The following RASA3 variants were observed in gnomAD, a reference collection of about 807,000 sequenced individuals.
RASA3 encodes ras GTPase-activating protein 3.
Under a neutral mutation model 110.0 loss-of-function variants are expected in RASA3, and 73 were observed. The observed-to-expected ratio is 0.66, with a 90% CI of 0.55 to 0.81. The LOEUF (loss-of-function observed/expected upper bound fraction) is 0.81, where lower values mean the gene tolerates loss of function less well. RASA3 is among the 30% of genes least tolerant of loss of function. The probability of loss-of-function intolerance (pLI) is 0.00; values close to 1 mark genes in which losing one functional copy is unlikely to be tolerated. For synonymous variants in RASA3, 500 were observed against 451.4 expected, an observed-to-expected ratio of 1.11 and a Z score of -1.37; for missense variants, 976 against 1,113.2, an observed-to-expected ratio of 0.88 and a Z score of 1.75.
intron 20 of RASA3, among the ~76,000 whole-genome samples, chr13:113,999,011 G>A (rs927436221): frequency 2.0e-5 from 3 of 152,216 alleles, no homozygotes; most frequent in Non-Finnish European, 2.9e-5. Context: ...GAAAAGCACG[G>A]GCGGGACCGT....
chr13:114,069,367 CTT>C (rs953515769), intron 2 of RASA3, among the ~76,000 whole-genome samples: 3 of 149,182 alleles, frequency 2.0e-5, no homozygotes, highest in African/African-American at 7.5e-5. Context: ...TCCACAGCGA[CTT>C]TGCCAAATGA....
chr13:114,072,483 T>A (rs1294611340), intron 2 of RASA3, among the ~76,000 whole-genome samples: 3 of 152,262 alleles, frequency 2.0e-5, no homozygotes, highest in African/African-American at 7.2e-5. Context: ...TCTGTATAGC[T>A]ATTTTAGAAA....
intron 1 of RASA3, among the ~76,000 whole-genome samples, chr13:114,113,449 T>A (rs2080242590): frequency 1.3e-5 from 2 of 152,190 alleles, no homozygotes; most frequent in South Asian, 4.1e-4. Flanking sequence ...ACGAATTTCT[T>A]AAAAAGAGAG....
At chr13:114,012,741 C>T (rs1325957989) in intron 15 of RASA3, among the ~76,000 whole-genome samples, 1 of 133,826 alleles carries the variant, frequency 7.5e-6, no homozygotes, top group Non-Finnish European at 1.7e-5. Flanking sequence ...ACTCCCCACT[C>T]ACTCATTCCA....
chr13:114,015,776 G>C (rs2053777145), intron 13 of RASA3, among the ~76,000 whole-genome samples: 1 of 152,196 alleles, frequency 6.6e-6, no homozygotes, highest in African/African-American at 2.4e-5. Flanking sequence ...TGGGGAGGCA[G>C]GGAGGCCATC....
chr13:114,007,992 T>C (rs9562140), intron 17 of RASA3, among the ~76,000 whole-genome samples: 25,468 of 82,528 alleles, frequency 0.31, 4,555 homozygotes, highest in African/African-American at 0.5. Flanking sequence ...CGTTCCTGAC[T>C]GTGGGGAGGA....
chr13:113,980,494 T>TGCATCTTGTACCATGTGTGC (rs1318725985), intron 23 of RASA3, among the ~76,000 whole-genome samples: 1 of 147,816 alleles, frequency 6.8e-6, no homozygotes, highest in African/African-American at 2.6e-5. Context: ...GCCATGTGTG[T>TGCATCTTGTACCATGTGTGC]GCATCTTGTA....
At chr13:114,045,746 G>A (rs770191152) in intron 3 of RASA3, among the ~76,000 whole-genome samples, 116 of 152,332 alleles carry the variant, frequency 7.6e-4, no homozygotes, top group Admixed American at 4.1e-3. Context: ...CAATGACCAT[G>A]AAAATTACAC....
At chr13:114,087,214 CGCGGGG>C (rs2079831146) in intron 1 of RASA3, among the ~76,000 whole-genome samples, 3 of 74,628 alleles carry the variant, frequency 4.0e-5, no homozygotes, top group Admixed American at 1.3e-4. Context: ...CCTTCGTCCT[CGCGGGG>C]AAATCACGGG....
chr13:113,999,709 T>C (rs758773344), intron 19 of RASA3, 42 bp from the exon 20 acceptor site: 2 of 1,424,094 alleles, frequency 1.4e-6, no homozygotes, highest in South Asian at 2.3e-5. Flanking sequence ...GGCCCCGCTG[T>C]CCCGGCTGGG....
chr13:114,066,612 G>T (rs2079455309), intron 2 of RASA3, among the ~76,000 whole-genome samples: 1 of 152,208 alleles, frequency 6.6e-6, no homozygotes, highest in Non-Finnish European at 1.5e-5. Context: ...AGCCTGCCAT[G>T]TGCAGTAGAC....
intron 7 of RASA3, among the ~76,000 whole-genome samples, chr13:114,025,863 G>C (rs1267831635): frequency 6.6e-6 from 1 of 152,156 alleles, no homozygotes; most frequent in East Asian, 1.9e-4. Context: ...CTCCCTCCCC[G>C]GGGCTCAGCC....
intron 20 of RASA3, among the ~76,000 whole-genome samples, chr13:113,998,606 G>A (rs1205860780): frequency 5.9e-5 from 9 of 152,228 alleles, no homozygotes; most frequent in African/African-American, 2.2e-4. Flanking sequence ...CAGGGAGAAC[G>A]TGGCCAGCGG....
At chr13:114,072,025 C>T (rs1014283160) in intron 2 of RASA3, among the ~76,000 whole-genome samples, 35 of 152,282 alleles carry the variant, frequency 2.3e-4, no homozygotes, top group Admixed American at 1.2e-3. Flanking sequence ...ATCCCCAAGC[C>T]GCTCCTTATA....
At position 114,024,326 on chromosome 13, in the gene RASA3, C is replaced by T; in HGVS notation, c.633G>A (p.Lys211=). The change falls in exon 8 of 24, where the codon AAG becomes AAA. Residue 211 remains lysine (K), a synonymous_variant. Coordinates refer to ENST00000334062, the MANE Select transcript of RASA3 (RefSeq NM_007368.4). ...CTTCCTCCTCAAAGTCAAAGTGGGA[C>T]TTCTTGCTGTAGCTACAGGGCCGGG... ...EVTRPCSYSK[K]SHFDFEEEDV... The T allele has an allele frequency of 6.2e-7, 1 of 1,613,982 alleles. No individual in the cohort carries two copies. The highest frequency in any genetic ancestry group is 8.5e-7 in the Non-Finnish European group (1 of 1,179,956).
At chr13:114,109,323 C>G (rs940519270) in intron 1 of RASA3, among the ~76,000 whole-genome samples, 2 of 152,154 alleles carry the variant, frequency 1.3e-5, no homozygotes, top group African/African-American at 4.8e-5. Flanking sequence ...GGCACTGAGG[C>G]CTTCCTCGAA....
intron 4 of RASA3, among the ~76,000 whole-genome samples, chr13:114,038,975 C>T (rs935675626): frequency 6.6e-6 from 1 of 152,242 alleles, no homozygotes; most frequent in Non-Finnish European, 1.5e-5. Flanking sequence ...ATAACCATCA[C>T]AGCCACCAAT....
At chr13:114,131,192 G>A (rs2080513177) in intron 1 of RASA3, among the ~76,000 whole-genome samples, 1 of 152,200 alleles carries the variant, frequency 6.6e-6, no homozygotes. Context: ...CTGGTTTAGG[G>A]GAGCTGGAAT....
At position 114,013,944 on chromosome 13, in the gene RASA3, ATC is replaced by A. The variant is rs1302103861; in HGVS notation, c.1406-698_1406-697del. ...TCTCCGTCTCTCTCTCCCTGTCTCT[ATC>A]TCTCTGTCTCTCTCTCTCTCTCTCC... On this transcript the variant is annotated intron_variant, in intron 14 of 23. Coordinates refer to ENST00000334062, the MANE Select transcript of RASA3 (RefSeq NM_007368.4). 7.9e-4 allele frequency among the ~76,000 whole-genome samples: 23 copies of A among 28,994 alleles called. 2 individuals are homozygous for A. Among genetic ancestry groups the A allele is most frequent in the African/African-American group, 3.1e-3 (16 of 5,100 alleles). The allele number at this position is 28,994 out of a possible 152,430, so 19.0% of individuals were successfully genotyped here. A position where few individuals can be genotyped will look rare whatever the true frequency, so the allele number is the denominator to read the frequency against.
Sources: gnomAD v4.1 joint callset for allele counts (sites outside exome capture counted in the v4.1 genomes callset) on GRCh38, gnomAD v4.1.1 for gene constraint, MANE v1.5 for transcripts, NCBI Gene and HGNC (gene_info 2026-07-23, HGNC 2026-07-21) for gene names.